Variants in CSMD1 observed in about 807,000 individuals in gnomAD.
CSMD1 encodes the protein CUB and sushi domain-containing protein 1.
In CSMD1, 213 loss-of-function variants were observed where a neutral mutation model predicts 417.5. That is an observed-to-expected ratio of 0.51 (90% CI 0.46 to 0.57). The LOEUF is 0.57. CSMD1 is among the 20% of genes least tolerant of loss of function. CSMD1 has a pLI of 0.00. For missense variants in CSMD1, 6,923 were observed against 4,529.7 expected (o/e 1.53, Z -15.17); for synonymous variants, 2,862 against 1,736.8 (o/e 1.65, Z -16.11).
intron 46 of CSMD1, among the ~76,000 whole-genome samples, chr8:3,106,128 G>A (rs926732779): frequency 6.6e-6 from 1 of 151,174 alleles, no homozygotes; most frequent in African/African-American, 2.4e-5. Context: ...GCTCATGCCT[G>A]CAATCCTAGC....
At chr8:3,673,872 C>G (rs967231834) in intron 7 of CSMD1, among the ~76,000 whole-genome samples, 8 of 152,078 alleles carry the variant, frequency 5.3e-5, no homozygotes, top group Non-Finnish European at 1.2e-4. Flanking sequence ...AATCCTAGCA[C>G]TTTGGGAGGC....
intron 2 of CSMD1, among the ~76,000 whole-genome samples, chr8:4,481,390 A>G (rs1195960297): frequency 6.6e-6 from 1 of 152,256 alleles, no homozygotes; most frequent in Non-Finnish European, 1.5e-5. Flanking sequence ...AGACATCTCA[A>G]TGCTAAGGAG....
At chr8:3,421,360 G>A (rs1813477396) in intron 12 of CSMD1, among the ~76,000 whole-genome samples, 1 of 152,196 alleles carries the variant, frequency 6.6e-6, no homozygotes, top group East Asian at 1.9e-4. Flanking sequence ...GCCACACATT[G>A]AATGGGCAGA....
intron 27 of CSMD1, among the ~76,000 whole-genome samples, chr8:3,226,727 C>G (rs1038532210): frequency 6.6e-5 from 10 of 151,788 alleles, no homozygotes; most frequent in African/African-American, 2.4e-4. Context: ...GTGAGGTATC[C>G]AAGCAACACT....
intron 3 of CSMD1, among the ~76,000 whole-genome samples, chr8:4,230,410 T>C (rs1055563507): frequency 2.6e-5 from 4 of 152,210 alleles, no homozygotes; most frequent in East Asian, 1.9e-4. Flanking sequence ...ATCTTGTATA[T>C]AATCCAAGGT....
chr8:3,392,760 T>C (rs769530805), intron 17 of CSMD1, among the ~76,000 whole-genome samples: 82 of 152,116 alleles, frequency 5.4e-4, no homozygotes, highest in Non-Finnish European at 1.0e-3. Context: ...TAGTGCACTA[T>C]GATGTTTGAA....
chr8:3,821,378 TG>T (rs371571521), intron 5 of CSMD1, among the ~76,000 whole-genome samples: 23 of 152,334 alleles, frequency 1.5e-4, no homozygotes, highest in African/African-American at 5.3e-4. Flanking sequence ...AGCGCAGGTT[TG>T]CATATGGCAC....
At chr8:4,261,456 C>A (rs539028979) in intron 3 of CSMD1, among the ~76,000 whole-genome samples, 1 of 152,068 alleles carries the variant, frequency 6.6e-6, no homozygotes, top group African/African-American at 2.4e-5. Flanking sequence ...ACTTCCAGTT[C>A]GAAGATGCAT....
At chr8:3,989,350 C>A (rs997217928) in intron 5 of CSMD1, among the ~76,000 whole-genome samples, 1 of 152,170 alleles carries the variant, frequency 6.6e-6, no homozygotes, top group African/African-American at 2.4e-5. Flanking sequence ...GGCTTAGCAA[C>A]TATGCTTTTA....
rs183007298 is a variant in CSMD1 at position 4,953,527 on chromosome 8, C to G, written c.85+40805G>C. 5.9e-5 allele frequency among the ~76,000 whole-genome samples: 9 copies of G among 152,218 alleles called. No individual in the cohort carries two copies. The East Asian group carries it at 1.4e-3, about 23-fold the overall frequency. On this transcript the variant is annotated intron_variant, in intron 1 of 69. Coordinates refer to ENST00000635120, the MANE Select transcript of CSMD1 (RefSeq NM_033225.6). ...ACGGTGGCAAGTTATGTAACTTGAA[C>G]TGTGCCCTTATAAACCTTTATCTCA...
At chr8:3,852,106 G>A (rs1347349081) in intron 5 of CSMD1, among the ~76,000 whole-genome samples, 2 of 152,154 alleles carry the variant, frequency 1.3e-5, no homozygotes, top group African/African-American at 2.4e-5. Context: ...AGAAACAGAG[G>A]CTCAGGTTGT....
chr8:3,175,376 C>T (rs1411924431), intron 37 of CSMD1, among the ~76,000 whole-genome samples: 2 of 152,116 alleles, frequency 1.3e-5, no homozygotes, highest in East Asian at 1.9e-4. Flanking sequence ...AAATGTGATA[C>T]TGCAATTTTT....
chr8:4,180,044 G>C (rs1295697927), intron 3 of CSMD1, among the ~76,000 whole-genome samples: 1 of 152,032 alleles, frequency 6.6e-6, no homozygotes, highest in Non-Finnish European at 1.5e-5. Flanking sequence ...CCTAGAACTG[G>C]AAATACCATT....
At chr8:3,512,705 T>A (rs1797127675) in intron 10 of CSMD1, among the ~76,000 whole-genome samples, 2 of 151,028 alleles carry the variant, frequency 1.3e-5, no homozygotes, top group Non-Finnish European at 3.0e-5. Context: ...GCCTCCTGGG[T>A]TCAAGCAATT....
chr8:3,338,287 G>C (rs950499432), intron 23 of CSMD1, among the ~76,000 whole-genome samples: 2 of 152,192 alleles, frequency 1.3e-5, no homozygotes, highest in African/African-American at 2.4e-5. Context: ...GTCATGCGTG[G>C]GTGCTGGGCG....
At chr8:3,719,738 A>G (rs1321145455) in intron 6 of CSMD1, among the ~76,000 whole-genome samples, 1 of 152,154 alleles carries the variant, frequency 6.6e-6, no homozygotes, top group East Asian at 1.9e-4. Flanking sequence ...GTACAAATAT[A>G]TACTGGCTGC....
At position 3,616,699 on chromosome 8, in the gene CSMD1, G is replaced by T. The variant is rs369716649; in HGVS notation, c.1097+11C>A. The T allele has an allele frequency of 2.6e-5, 41 of 1,550,292 alleles. No individual in the cohort carries two copies. The highest frequency in any genetic ancestry group is 1.8e-4 in the African/African-American group (13 of 73,608). Reference sequence around the variant, plus strand: ...TAACATGCTTTTTTCCACCACTATTGTATCTCTTACCTGAAGTCGGAACCT... The same window carrying T: ...TAACATGCTTTTTTCCACCACTATTTTATCTCTTACCTGAAGTCGGAACCT... On this transcript the variant is annotated intron_variant, in intron 8 of 69. Coordinates refer to ENST00000635120, the MANE Select transcript of CSMD1 (RefSeq NM_033225.6).
At position 3,758,588 on chromosome 8, in the gene CSMD1, G is replaced by A. The variant is rs115299334; in HGVS notation, c.819-4546C>T. ...CAGTTGTTTCTTCATTACAAACTAC[G>A]TAATTTAAAGGAAGATGATTACTGT... On this transcript the variant is annotated intron_variant, in intron 5 of 69. Coordinates refer to ENST00000635120, the MANE Select transcript of CSMD1 (RefSeq NM_033225.6). Among the ~76,000 whole-genome samples, 570 of 152,252 alleles carry A rather than the reference G, an allele frequency of 3.7e-3. 4 individuals carry two copies. The highest frequency in any genetic ancestry group is 0.013 in the African/African-American group (546 of 41,532).
Position 3,899,150 on chromosome 8 carries a change from T to C in CSMD1, c.818+98753A>G, listed in dbSNP as rs534525181. On this transcript the variant is annotated intron_variant, in intron 5 of 69. Transcript: ENST00000635120. ...ATGTTAGGTAACAAGGACACAAAGA[T>C]TGCCAGTACTGTCAAAGGTGCTTAC... is the stretch of plus-strand genomic sequence containing the variant. Among the ~76,000 whole-genome samples the C allele has an allele frequency of 1.9e-4, 29 of 152,276 alleles. No individual in the cohort carries two copies. In the East Asian group the frequency reaches 4.8e-3, roughly 25 times the overall value.
Sources: gnomAD v4.1 joint callset for allele counts (sites outside exome capture counted in the v4.1 genomes callset) on GRCh38, gnomAD v4.1.1 for gene constraint, MANE v1.5 for transcripts, NCBI Gene and HGNC (gene_info 2026-07-23, HGNC 2026-07-21) for gene names.